Variants in ABCA12 observed in about 807,000 individuals in gnomAD.
The protein encoded by ABCA12 is glucosylceramide transporter ABCA12.
ABCA12 carries 156 observed loss-of-function variants against 293.5 expected under a neutral mutation model. The ratio of observed to expected loss-of-function variants is 0.53; its 90% confidence interval spans 0.47 to 0.61. ABCA12 has a LOEUF of 0.61. Among genes scored for constraint, ABCA12 ranks in the 20% least tolerant of loss-of-function variants. The pLI is 0.00. For synonymous variants in ABCA12, 1,063 were observed against 1,108.0 expected, an observed-to-expected ratio of 0.96 and a Z score of 0.81; for missense variants, 2,797 against 3,090.2, an observed-to-expected ratio of 0.91 and a Z score of 2.25.
intron 1 of ABCA12, among the ~76,000 whole-genome samples, chr2:215,132,406 A>G (rs184362884): frequency 6.6e-6 from 1 of 151,914 alleles, no homozygotes; most frequent in East Asian, 1.9e-4. Flanking sequence ...TTATTTTGTA[A>G]AGCTGGGTGC....
intron 28 of ABCA12, among the ~76,000 whole-genome samples, chr2:214,984,094 CTTTTTTTTT>C (rs397987755): frequency 2.2e-5 from 2 of 92,952 alleles, no homozygotes; most frequent in South Asian, 4.2e-4. Context: ...ACGATCAGGC[CTTTTTTTTT>C]TTTTTTTTTT....
intron 1 of ABCA12, among the ~76,000 whole-genome samples, chr2:215,126,849 T>C (rs1702934408): frequency 6.6e-6 from 1 of 152,152 alleles, no homozygotes; most frequent in Non-Finnish European, 1.5e-5. Flanking sequence ...GTTTGGTTTG[T>C]TCTTGTTTCT....
chr2:215,096,278 C>T (rs1702248772), intron 2 of ABCA12, among the ~76,000 whole-genome samples: 1 of 152,094 alleles, frequency 6.6e-6, no homozygotes, highest in South Asian at 2.1e-4. Context: ...TGATTATCCC[C>T]AACTGAGGCA....
At position 215,051,058 on chromosome 2, in the gene ABCA12, A is replaced by G. The variant is rs191627285; in HGVS notation, c.508-1247T>C. 1.5e-3 allele frequency among the ~76,000 whole-genome samples: 226 copies of G among 152,256 alleles called. 1 individual carries two copies. The highest frequency in any genetic ancestry group is 4.9e-4 in the Non-Finnish European group (33 of 68,012). On this transcript the variant is annotated intron_variant, in intron 5 of 52. Coordinates refer to ENST00000272895, the MANE Select transcript of ABCA12 (RefSeq NM_173076.3). ...TGAGAAAGATAACTTGGGAGTTTCA[A>G]TATGACAAAGTAGCATTTTGGAGAA...
intron 1 of ABCA12, among the ~76,000 whole-genome samples, chr2:215,120,470 G>A (rs1702783245): frequency 6.6e-6 from 1 of 152,098 alleles, no homozygotes; most frequent in Non-Finnish European, 1.5e-5. Flanking sequence ...GAAAGATAAA[G>A]AAAGCTGAGT....
Position 214,990,885 on chromosome 2 carries a change from C to A in ABCA12, c.3441G>T (p.Leu1147Phe). The A allele has an allele frequency of 6.2e-7, 1 of 1,613,946 alleles. No homozygotes were observed. Among genetic ancestry groups the A allele is most frequent in the Non-Finnish European group, 8.5e-7 (1 of 1,179,956 alleles). ...NILPKTNGFI[L>F]FLYFSDYSFS... ...AGCTGTAGTCCGAAAAATACAGGAA[C>A]AAAATGAACCCATTTGTTTTAGGAA... The change falls in exon 24 of 53, where the codon TTG (leucine) becomes TTT (phenylalanine). Residue 1147 changes from leucine (L) to phenylalanine (F), a missense_variant. Around this residue, in one of 3 missense-constraint regions of ABCA12, gnomAD observed 2,130 missense variants for 2,427.0 expected, o/e 0.88. Transcript: ENST00000272895.
At chr2:215,049,255 A>G (rs536637706) in intron 6 of ABCA12, among the ~76,000 whole-genome samples, 1 of 152,330 alleles carries the variant, frequency 6.6e-6, no homozygotes, top group East Asian at 1.9e-4. Context: ...ATTATTCTAA[A>G]TTCTGGCAGT....
At chr2:215,046,037 C>A (rs1466018700) in intron 6 of ABCA12, 22 bp from the exon 7 acceptor site, 2 of 1,610,420 alleles carry the variant, frequency 1.2e-6, no homozygotes, top group African/African-American at 2.7e-5. Context: ...AAACCACAAA[C>A]AGAGCAAAAT....
chr2:215,100,552 C>T (rs1702337045), intron 2 of ABCA12, among the ~76,000 whole-genome samples: 1 of 85,074 alleles, frequency 1.2e-5, no homozygotes, highest in Admixed American at 1.5e-4. Flanking sequence ...ATTTGAGTTC[C>T]CATTATGTGC....
intron 2 of ABCA12, among the ~76,000 whole-genome samples, chr2:215,093,190 C>A (rs770809732): frequency 2.0e-5 from 3 of 152,166 alleles, no homozygotes; most frequent in East Asian, 1.9e-4. Context: ...CAGCATAATT[C>A]TTCATGAAAA....
intron 2 of ABCA12, among the ~76,000 whole-genome samples, chr2:215,079,982 G>A (rs1229538002): frequency 1.3e-4 from 20 of 152,098 alleles, no homozygotes; most frequent in Non-Finnish European, 2.4e-4. Flanking sequence ...CCCTATATGT[G>A]GCATGTATTG....
At position 215,025,508 on chromosome 2, in the gene ABCA12, A is replaced by G. The variant is rs1387591418; in HGVS notation, c.1287+165T>C. On this transcript the variant is annotated intron_variant, in intron 11 of 52. Transcript: ENST00000272895. Reference sequence around the variant, plus strand: ...TTCTAGAGTCGTAAGTAGGGCCATTATAAATCTAGAGTTAAAATAGCATCA... The same window carrying G: ...TTCTAGAGTCGTAAGTAGGGCCATTGTAAATCTAGAGTTAAAATAGCATCA... 8.1e-5 allele frequency: 48 copies of G among 596,268 alleles called. 1 individual carries two copies. The Middle Eastern group carries it at 2.3e-3, about 29-fold the overall frequency. 36.9% of individuals were successfully genotyped at this position (596,268 alleles called of 1,614,324 possible).
chr2:215,046,336 G>GT (rs962887073), intron 6 of ABCA12, among the ~76,000 whole-genome samples: 30 of 149,122 alleles, frequency 2.0e-4, no homozygotes, highest in East Asian at 7.8e-4. Context: ...TCTGAGTAAT[G>GT]TTTTTTTTTC....
chr2:214,978,766 T>C, intron 32 of ABCA12, 38 bp downstream of exon 32: 1 of 1,590,270 alleles, frequency 6.3e-7, no homozygotes, highest in Non-Finnish European at 8.6e-7. Flanking sequence ...CAGCAAGTTA[T>C]ATCAGCTTGA....
At chr2:214,951,918 A>G (rs757796049) in intron 44 of ABCA12, among the ~76,000 whole-genome samples, 2 of 152,176 alleles carry the variant, frequency 1.3e-5, no homozygotes, top group Non-Finnish European at 2.9e-5. Flanking sequence ...TTTTATAATC[A>G]TCAATAATAT....
At position 214,987,753 on chromosome 2, in the gene ABCA12, A is replaced by G; in HGVS notation, c.3870T>C (p.Leu1290=). The change falls in exon 27 of 53, where the codon CTT becomes CTC. Residue 1290 remains leucine, a synonymous_variant. Transcript: ENST00000272895. ...GMAAPWYFPI[L]PSYWKERFGC... ...CAAATCGCTCCTTCCAATAGGAAGG[A>G]AGAATTGGAAAATACCAGGGAGCTG... The G allele has an allele frequency of 6.2e-7, 1 of 1,614,004 alleles. No homozygotes were observed. The highest frequency in any genetic ancestry group is 1.3e-5 in the African/African-American group (1 of 75,040).
intron 50 of ABCA12, among the ~76,000 whole-genome samples, chr2:214,940,678 C>T (rs928082832): frequency 3.3e-5 from 5 of 152,236 alleles, no homozygotes; most frequent in Admixed American, 6.5e-5. Flanking sequence ...GATTTGACTT[C>T]TTCCTGGTTT....
At chr2:215,091,713 C>A (rs1257117926) in intron 2 of ABCA12, among the ~76,000 whole-genome samples, 1 of 152,236 alleles carries the variant, frequency 6.6e-6, no homozygotes, top group Non-Finnish European at 1.5e-5. Flanking sequence ...AAAGAAGAGG[C>A]AGCCATGTAG....
Position 215,111,702 on chromosome 2 carries a change from T to G in ABCA12, c.70-12A>C. ...ACAAGTGTCCAAAGCTGCAAAATAA[T>G]GGTAGAAAAAATTGTTAGTTTTATT... is the stretch of plus-strand genomic sequence containing the variant. On this transcript the variant is annotated splice_polypyrimidine_tract_variant and intron_variant, in intron 1 of 52. Transcript: ENST00000272895. 1 of 1,603,786 alleles carries G rather than the reference T, an allele frequency of 6.2e-7. No homozygotes were observed. The highest frequency in any genetic ancestry group is 8.5e-7 in the Non-Finnish European group (1 of 1,171,610).
Sources: gnomAD v4.1 joint callset for allele counts (sites outside exome capture counted in the v4.1 genomes callset) on GRCh38, gnomAD v4.1.1 for gene constraint, gnomAD v4.1.1 regional missense constraint, MANE v1.5 for transcripts, NCBI Gene and HGNC (gene_info 2026-07-23, HGNC 2026-07-21) for gene names.